The following DSP variants were observed in gnomAD, a reference collection of about 807,000 sequenced individuals.
DSP encodes desmoplakin, also known as 250/210 kDa paraneoplastic pemphigus antigen.
Under a neutral mutation model 290.6 loss-of-function variants are expected in DSP, and 114 were observed. The ratio of observed to expected loss-of-function variants is 0.39; its 90% CI spans 0.34 to 0.46. The LOEUF is 0.46. DSP is among the 20% of genes least tolerant of loss of function. The pLI is 0.99. For missense variants in DSP, 3,230 were observed against 3,495.8 expected, an observed-to-expected ratio of 0.92 and a Z score of 1.92; for synonymous variants, 1,311 against 1,316.4, an observed-to-expected ratio of 1.00 and a Z score of 0.09.
Position 7,580,441 on chromosome 6 carries a change from C to G in DSP, c.4251C>G (p.Thr1417=), listed in dbSNP as rs1447070500. 1 of 1,613,770 alleles carries G rather than the reference C, an allele frequency of 6.2e-7. No homozygotes were observed. Among genetic ancestry groups the G allele is most frequent in the Non-Finnish European group, 8.5e-7 (1 of 1,179,972 alleles). The change falls in exon 23 of 24, where the codon ACC becomes ACG. Residue 1417 remains threonine, a synonymous_variant. Transcript: ENST00000379802. This position sits in a 1 kb window ranked among gnomAD's most constrained non-coding sequence, Gnocchi z 4.2. ...EEIKRLKNTL[T]QTTENLRRVE... The stretch of plus-strand genomic sequence containing the variant: ...TAAAGAGGCTGAAGAACACTCTAAC[C>G]CAGACCACAGAGAATCTCAGGAGGG...
chr6:7,578,604 T>C (rs367982851), intron 22 of DSP, 42 bp downstream of exon 22: 71 of 1,440,102 alleles, frequency 4.9e-5, no homozygotes, highest in Non-Finnish European at 6.7e-5. Flanking sequence ...AAAAAGAAAA[T>C]AGAATAGAAC....
chr6:7,554,868 T>C (rs1449981759), intron 1 of DSP, among the ~76,000 whole-genome samples: 1 of 152,154 alleles, frequency 6.6e-6, no homozygotes, highest in Non-Finnish European at 1.5e-5. Context: ...TTGCTCAGGC[T>C]GGTCTCCAAC....
intron 1 of DSP, among the ~76,000 whole-genome samples, chr6:7,548,699 G>A (rs1039671882): frequency 6.6e-6 from 1 of 152,280 alleles, no homozygotes; most frequent in African/African-American, 2.4e-5. Context: ...ATCAAAGGAG[G>A]CTGTCTTTCT....
chr6:7,572,910 T>C (rs760811778), intron 15 of DSP, among the ~76,000 whole-genome samples: 50 of 152,318 alleles, frequency 3.3e-4, no homozygotes, highest in Non-Finnish European at 5.0e-4. Context: ...TGTGACACAA[T>C]GGTAAGTGTG....
Position 7,571,969 on chromosome 6 carries a change from G to A in DSP, c.2031G>A (p.Arg677=), listed in dbSNP as rs201262774. The change falls in exon 15 of 24, where the codon AGG becomes AGA. Residue 677 remains arginine (R), a synonymous_variant. Transcript: ENST00000379802. ...TGATGGAGCTGCAGAAGATTCGCAGGCAGATAGAGCACTGCGAGGGCAGGA... is the reference window on the plus strand; with the variant it reads ...TGATGGAGCTGCAGAAGATTCGCAGACAGATAGAGCACTGCGAGGGCAGGA... The part of the protein sequence containing the change: ...WMLMELQKIR[R]QIEHCEGRMT... 2 of 1,614,158 alleles carry A rather than the reference G, an allele frequency of 1.2e-6. No homozygotes were observed. The highest frequency in any genetic ancestry group is 1.7e-6 in the Non-Finnish European group (2 of 1,180,032).
chr6:7,562,863 T>C, intron 5 of DSP, 83 bp downstream of exon 5: 1 of 1,582,958 alleles, frequency 6.3e-7, no homozygotes, highest in Non-Finnish European at 8.7e-7. Context: ...GAGTTTCTTC[T>C]GAAACATTGC....
intron 1 of DSP, among the ~76,000 whole-genome samples, chr6:7,553,240 G>T (rs1347261331): frequency 6.6e-6 from 1 of 152,124 alleles, no homozygotes; most frequent in Non-Finnish European, 1.5e-5. Context: ...AAAGTGCGGG[G>T]ATTACAGGCG....
intron 17 of DSP, 102 bp from the exon 18 acceptor site, chr6:7,575,193 T>G: frequency 9.1e-7 from 1 of 1,100,266 alleles, no homozygotes; most frequent in Non-Finnish European, 1.4e-6. Context: ...ATGAATATTC[T>G]AAAGTGTTTT....
At chr6:7,562,135 T>G (rs546817532) in intron 4 of DSP, among the ~76,000 whole-genome samples, 10 of 152,282 alleles carry the variant, frequency 6.6e-5, no homozygotes, top group African/African-American at 2.4e-4. Flanking sequence ...GAATGGTATA[T>G]CCTGGATTTT....
intron 19 of DSP, 88 bp from the exon 20 acceptor site, chr6:7,576,871 C>T: frequency 8.5e-7 from 1 of 1,170,340 alleles, no homozygotes; most frequent in Non-Finnish European, 1.3e-6. Flanking sequence ...AAAAAGGGTA[C>T]AAATAACAGT....
At chr6:7,548,477 A>G (rs901431102) in intron 1 of DSP, among the ~76,000 whole-genome samples, 2 of 151,910 alleles carry the variant, frequency 1.3e-5, no homozygotes, top group Non-Finnish European at 1.5e-5. Context: ...CACAGGCTGT[A>G]TAACTGGAAG....
intron 1 of DSP, among the ~76,000 whole-genome samples, chr6:7,543,624 A>T (rs1053396532): frequency 1.3e-5 from 2 of 152,142 alleles, no homozygotes; most frequent in African/African-American, 4.8e-5. Flanking sequence ...CATCCTTTAA[A>T]TGTGTGGGTT....
In DSP at chr6:7,566,447, T is replaced by C. The variant is rs767573473; in HGVS notation, c.1010T>C (p.Val337Ala). The C allele has an allele frequency of 3.7e-6, 6 of 1,613,890 alleles. No homozygotes were observed. In the South Asian group the frequency reaches 6.6e-5, roughly 18 times the overall value. ...NKLKQESDQL[V>A]LNQHPASDKI... Reference sequence around the variant, plus strand: ...CTGAAACAAGAAAGTGACCAACTTGTCCTCAATCAGCATCCAGCTTCAGAC... The same window carrying C: ...CTGAAACAAGAAAGTGACCAACTTGCCCTCAATCAGCATCCAGCTTCAGAC... Residue 337 changes from valine to alanine, a missense_variant, in exon 8 of 24, where the codon GTC becomes GCC. Val to Ala is a moderately conservative substitution (Grantham distance 64). Coordinates refer to ENST00000379802, the MANE Select transcript of DSP (RefSeq NM_004415.4).
chr6:7,573,953 T>C, intron 15 of DSP, 133 bp from the exon 16 acceptor site: 4 of 964,148 alleles, frequency 4.1e-6, no homozygotes, highest in Non-Finnish European at 6.4e-6. Flanking sequence ...TTGACTGATG[T>C]GTTAATTTAC....
rs1335367697 is a variant in DSP, at chr6:7,565,188, T to G, written c.778-171T>G. Reference sequence around the variant, plus strand: ...TGCTGCCTTCTTGTTCATTGCAGATTTGGATGGGTCTTTTCCCATACCAGG... The same window carrying G: ...TGCTGCCTTCTTGTTCATTGCAGATGTGGATGGGTCTTTTCCCATACCAGG... On this transcript the variant is annotated intron_variant, in intron 6 of 23. Coordinates refer to ENST00000379802, the MANE Select transcript of DSP (RefSeq NM_004415.4). This position sits in a 1 kb window ranked among gnomAD's most constrained non-coding sequence, Gnocchi z 4.2. Among the ~76,000 whole-genome samples, 1 of 152,056 alleles carries G rather than the reference T, an allele frequency of 6.6e-6. No individual in the cohort carries two copies. Among genetic ancestry groups the G allele is most frequent in the Non-Finnish European group, 1.5e-5 (1 of 68,000 alleles).
chr6:7,571,947 T>G lies in DSP; in HGVS notation c.2009T>G (p.Met670Arg). The change falls in exon 15 of 24, where the codon ATG becomes AGG. Residue 670 changes from methionine to arginine, a missense_variant. Physicochemically the swap from Met to Arg is moderately conservative, Grantham distance 91 (BLOSUM62 -1). Transcript: ENST00000379802. The stretch of plus-strand genomic sequence containing the variant: ...GACAAGCAAGAAACATGGATGCTGA[T>G]GGAGCTGCAGAAGATTCGCAGGCAG... ...ENDKQETWML[M>R]ELQKIRRQIE... is the part of the protein sequence containing the mutation. 1 of 1,614,104 alleles carries G rather than the reference T, an allele frequency of 6.2e-7. No homozygotes were observed. The highest frequency in any genetic ancestry group is 8.5e-7 in the Non-Finnish European group (1 of 1,180,020).
chr6:7,584,339 C>T lies in DSP; in HGVS notation c.7077C>T (p.Ile2359=), dbSNP rs966841386. ...TCCAAGCCATGAATAAGGAACTCAT[C>T]GAAAAGGGCCACGGTATTCGCTTAT... ...SLFQAMNKEL[I]EKGHGIRLLE... Residue 2359 remains isoleucine (I), a synonymous_variant, in exon 24 of 24, where the codon ATC becomes ATT. Transcript: ENST00000379802. This position sits in a 1 kb window ranked among gnomAD's most constrained non-coding sequence, Gnocchi z 6.4. 28 of 1,613,934 alleles carry T rather than the reference C, an allele frequency of 1.7e-5. No homozygotes were observed. The Admixed American group carries it at 2.8e-4, about 16-fold the overall frequency.
intron 1 of DSP, among the ~76,000 whole-genome samples, chr6:7,543,158 A>G (rs964438135): frequency 1.4e-5 from 2 of 142,684 alleles, no homozygotes; most frequent in African/African-American, 2.7e-5. Context: ...AGCCCGCCCC[A>G]CCTCCCCGCC....
intron 1 of DSP, among the ~76,000 whole-genome samples, chr6:7,544,461 A>C (rs1369330034): frequency 6.6e-6 from 1 of 151,526 alleles, no homozygotes; most frequent in Non-Finnish European, 1.5e-5. Context: ...TTTCTAAATA[A>C]AGGTTTTTGT....
Sources: gnomAD v4.1 joint callset for allele counts (sites outside exome capture counted in the v4.1 genomes callset) on GRCh38, gnomAD v4.1.1 for gene constraint, Gnocchi (gnomAD v3.1) non-coding constraint, MANE v1.5 for transcripts, NCBI Gene and HGNC (gene_info 2026-07-23, HGNC 2026-07-21) for gene names.